CCNK: variants seen among roughly 807,000 people sequenced by gnomAD.
CCNK encodes the protein cyclin K, also known as cyclin-K.
CCNK carries 9 observed loss-of-function variants against 65.0 expected under a neutral mutation model. The observed-to-expected ratio is 0.14, with a 90% CI of 0.08 to 0.24. The LOEUF (loss-of-function observed/expected upper bound fraction) is 0.24, where lower values mean the gene tolerates loss of function less well. Ranked by LOEUF, CCNK falls within the 10% of genes least tolerant of loss-of-function variation. The probability of loss-of-function intolerance (pLI) is 1.00; values close to 1 mark genes in which losing one functional copy is unlikely to be tolerated. For missense variants in CCNK, 474 were observed against 720.0 expected, an observed-to-expected ratio of 0.66 and a Z score of 3.91; for synonymous variants, 279 against 270.8, an observed-to-expected ratio of 1.03 and a Z score of -0.30.
chr14:99,482,118 G>A lies in CCNK; in HGVS notation c.-53+639G>A, dbSNP rs146058502. Among the ~76,000 whole-genome samples the A allele has an allele frequency of 8.5e-5, 13 of 152,320 alleles. No homozygotes were observed. In the East Asian group the frequency reaches 2.5e-3, roughly 29 times the overall value. On this transcript the variant is annotated intron_variant, in intron 1 of 10. Coordinates refer to ENST00000389879, the MANE Select transcript of CCNK (RefSeq NM_001099402.2). The stretch of plus-strand genomic sequence containing the variant: ...GTTATGTGACAGCTCCTAAACGATT[G>A]TCTGCCCAAGATAGGCTCGGTAATG...
At chr14:99,493,747 A>G (rs1438985022) in intron 3 of CCNK, among the ~76,000 whole-genome samples, 152 bp downstream of exon 3, 1 of 152,176 alleles carries the variant, frequency 6.6e-6, no homozygotes, top group African/African-American at 2.4e-5. Context: ...ATCAAGTTTG[A>G]ACTTTTTTTA....
intron 4 of CCNK, among the ~76,000 whole-genome samples, chr14:99,496,008 A>G (rs1050398068): frequency 1.3e-5 from 2 of 152,202 alleles, no homozygotes; most frequent in African/African-American, 4.8e-5. Context: ...ACACATACAC[A>G]TGCCTACATA....
intron 9 of CCNK, chr14:99,505,485 A>G (rs1409089821): frequency 2.8e-5 from 4 of 145,344 alleles, no homozygotes; most frequent in African/African-American, 1.0e-4. Flanking sequence ...TTGAAATAAA[A>G]TTTTCGATCT....
intron 1 of CCNK, among the ~76,000 whole-genome samples, chr14:99,481,800 G>A (rs1896334722): frequency 6.6e-6 from 1 of 152,198 alleles, no homozygotes; most frequent in African/African-American, 2.4e-5. Flanking sequence ...TGTTAACCGC[G>A]CACAGTCTCA....
rs1276979239 is a variant in CCNK at position 99,505,506 on chromosome 14, A to G, written c.1046-1570A>G. ...TAAAATTTTCGATCTATCGGGTTAA[A>G]TAAATTTTATCCTTTTTCCTTTTAT... On this transcript the variant is annotated intron_variant, in intron 9 of 10. Transcript: ENST00000389879. The G allele has an allele frequency of 8.4e-4, 4 of 4,754 alleles. No homozygotes were observed. The Non-Finnish European group carries it at 0.031, about 36-fold the overall frequency. 0.3% of individuals were successfully genotyped at this position (4,754 alleles called of 1,614,324 possible). A position where few individuals can be genotyped will look rare whatever the true frequency, so the allele number is the denominator to read the frequency against.
intron 5 of CCNK, 181 bp from the exon 6 acceptor site, chr14:99,501,175 G>A: frequency 1.6e-6 from 1 of 617,202 alleles, no homozygotes; most frequent in South Asian, 2.0e-5. Context: ...TTCAGCGTAG[G>A]TCATGAGGAG....
intron 1 of CCNK, among the ~76,000 whole-genome samples, chr14:99,482,808 G>A (rs1238403313): frequency 1.3e-5 from 2 of 152,162 alleles, no homozygotes; most frequent in Non-Finnish European, 2.9e-5. Flanking sequence ...CATAGCTGTG[G>A]CCTATAAAAT....
At chr14:99,503,750 T>A in intron 9 of CCNK, 106 bp downstream of exon 9, 6 of 969,598 alleles carry the variant, frequency 6.2e-6, no homozygotes, top group Non-Finnish European at 9.3e-6. Context: ...CCTTAAATCT[T>A]AACTTTAGAG....
Position 99,510,798 on chromosome 14 carries a change from C to CCTCA in CCNK, c.*19_*20insACTC, listed in dbSNP as rs762125168. ...GATGAGATAACGTGAGCCTTTTTTC[C>CCTCA]CTCTTTGTTTTTTTAACAAGATTTT... On this transcript the variant is annotated 3_prime_UTR_variant, in exon 11 of 11. Coordinates refer to ENST00000389879, the MANE Select transcript of CCNK (RefSeq NM_001099402.2). 3.5e-6 allele frequency: 5 copies of CCTCA among 1,415,100 alleles called. No individual in the cohort carries two copies. In the African/African-American group the frequency reaches 4.4e-5, roughly 12 times the overall value. The allele number at this position is 1,415,100 out of a possible 1,614,324, so 87.7% of individuals were successfully genotyped here.
chr14:99,487,367 T>C (rs1160957838), intron 1 of CCNK, among the ~76,000 whole-genome samples: 1 of 152,206 alleles, frequency 6.6e-6, no homozygotes, highest in African/African-American at 2.4e-5. Flanking sequence ...TTCTGTGCAC[T>C]GAGGACATTC....
At chr14:99,508,029 CCT>C in intron 10 of CCNK, 1 of 152,380 alleles carries the variant, frequency 6.6e-6, no homozygotes, top group South Asian at 2.1e-4. Flanking sequence ...GGCTTCCAAG[CCT>C]CTGTCAGCAG....
rs1338008699 is a variant in CCNK, at chr14:99,495,483, T to C, written c.280-15T>C. The C allele has an allele frequency of 2.1e-5, 34 of 1,595,970 alleles. No individual in the cohort carries two copies. The highest frequency in any genetic ancestry group is 2.9e-5 in the Non-Finnish European group (34 of 1,174,792). Reference sequence around the variant, plus strand: ...CTTTGATAACAAAAATCAAGAACTTTTGTTTCCCTTTTAGGTGACAGGAGC... The same window carrying C: ...CTTTGATAACAAAAATCAAGAACTTCTGTTTCCCTTTTAGGTGACAGGAGC... On this transcript the variant is annotated splice_polypyrimidine_tract_variant and intron_variant, in intron 3 of 10. Coordinates refer to ENST00000389879, the MANE Select transcript of CCNK (RefSeq NM_001099402.2).
intron 1 of CCNK, among the ~76,000 whole-genome samples, chr14:99,484,823 C>T (rs566151343): frequency 2.6e-5 from 4 of 152,330 alleles, no homozygotes; most frequent in African/African-American, 9.6e-5. Flanking sequence ...GTGACATTTA[C>T]TATTGTTTCC....
rs778128079 is a variant in CCNK at position 99,502,195 on chromosome 14, T to C, written c.576-12T>C. 5.1e-5 allele frequency: 79 copies of C among 1,561,726 alleles called. No homozygotes were observed. Among genetic ancestry groups the C allele is most frequent in the Non-Finnish European group, 6.7e-5 (77 of 1,153,002 alleles). On this transcript the variant is annotated splice_polypyrimidine_tract_variant and intron_variant, in intron 6 of 10. Transcript: ENST00000389879. ...TCATATTATCTAACCTTTTTTTTTC[T>C]TGTTGAACTAGTCTCTGCACCACCT... is the stretch of plus-strand genomic sequence containing the variant.
rs1466886729 is a variant in CCNK, at chr14:99,511,316, T to G, written c.*534T>G. 1 of 151,976 alleles carries G rather than the reference T, an allele frequency of 6.6e-6. No individual in the cohort carries two copies. Among genetic ancestry groups the G allele is most frequent in the Non-Finnish European group, 1.5e-5 (1 of 68,030 alleles). The allele number at this position is 151,976 out of a possible 1,614,324, so 9.4% of individuals were successfully genotyped here. ...AATTATTTTGAAGGGGTTGCCTCATTGGATGGCTTTTTTTTTTTCCTCCAG... is the reference window on the plus strand; with the variant it reads ...AATTATTTTGAAGGGGTTGCCTCATGGGATGGCTTTTTTTTTTTCCTCCAG... On this transcript the variant is annotated 3_prime_UTR_variant, in exon 11 of 11. Transcript: ENST00000389879.
rs2139890761 is a variant in CCNK, at chr14:99,512,082, T to C, written c.*1300T>C. 6.6e-6 allele frequency: 1 copy of C among 152,380 alleles called. No homozygotes were observed. Among genetic ancestry groups the C allele is most frequent in the African/African-American group, 2.4e-5 (1 of 41,592 alleles). The allele number at this position is 152,380 out of a possible 1,614,324, so 9.4% of individuals were successfully genotyped here. A position where few individuals can be genotyped will look rare whatever the true frequency, so the allele number is the denominator to read the frequency against. On this transcript the variant is annotated 3_prime_UTR_variant, in exon 11 of 11. Coordinates refer to ENST00000389879, the MANE Select transcript of CCNK (RefSeq NM_001099402.2). Reference sequence around the variant, plus strand: ...TTTATCTAGCTCAAAGTAGACACTATCACAATCTTGTTTGTTACTCCTTTT... The same window carrying C: ...TTTATCTAGCTCAAAGTAGACACTACCACAATCTTGTTTGTTACTCCTTTT...
intron 4 of CCNK, among the ~76,000 whole-genome samples, chr14:99,497,496 A>G (rs1370792877): frequency 1.3e-5 from 2 of 152,220 alleles, no homozygotes; most frequent in African/African-American, 4.8e-5. Flanking sequence ...GTTTTGTCTA[A>G]TGCCTCATTC....
chr14:99,507,259 C>A, intron 10 of CCNK, 112 bp downstream of exon 10: 1 of 760,300 alleles, frequency 1.3e-6, no homozygotes, highest in South Asian at 1.4e-5. Flanking sequence ...TTGACAATGT[C>A]AGCCACAGGC....
At chr14:99,491,786 G>A (rs1469832841) in intron 1 of CCNK, among the ~76,000 whole-genome samples, 1 of 152,206 alleles carries the variant, frequency 6.6e-6, no homozygotes. Context: ...TTGCTAACCA[G>A]ACTAACCTGG....
Sources: gnomAD v4.1 joint callset for allele counts (sites outside exome capture counted in the v4.1 genomes callset) on GRCh38, gnomAD v4.1.1 for gene constraint, MANE v1.5 for transcripts, NCBI Gene and HGNC (gene_info 2026-07-23, HGNC 2026-07-21) for gene names.